The following KCND2 variants were observed in gnomAD, a reference collection of about 807,000 sequenced individuals.
The protein encoded by KCND2 is A-type voltage-gated potassium channel KCND2.
In KCND2, 16 loss-of-function variants were observed where a neutral mutation model predicts 54.4. The ratio of observed to expected loss-of-function variants is 0.29; its 90% CI spans 0.20 to 0.45. KCND2 has a LOEUF of 0.45. Ranked by LOEUF, KCND2 falls within the 20% of genes least tolerant of loss-of-function variation. The pLI is 1.00. For missense variants in KCND2, 486 were observed against 824.2 expected (o/e 0.59, Z 5.02); for synonymous variants, 317 against 310.7 (o/e 1.02, Z -0.21).
intron 1 of KCND2, among the ~76,000 whole-genome samples, chr7:120,650,514 G>C (rs1791716635): frequency 7.0e-6 from 1 of 142,916 alleles, no homozygotes; most frequent in African/African-American, 2.8e-5. Context: ...TTAGCCATTC[G>C]TCTAATCTTT....
intron 1 of KCND2, among the ~76,000 whole-genome samples, chr7:120,509,760 A>G (rs889856728): frequency 1.3e-5 from 2 of 152,074 alleles, no homozygotes; most frequent in Admixed American, 1.3e-4. Context: ...TTATTTGCCA[A>G]TTCACTTCTA....
Position 120,275,263 on chromosome 7 carries a change from T to G in KCND2, c.631T>G (p.Ser211Ala). ...TGTGGTGGAAACAGTGCCGTGCGGA[T>G]CAAGCCCAGGTCACATTAAAGAACT... Reference protein sequence around the residue: ...ANVVETVPCGSSPGHIKELPC... With the variant: ...ANVVETVPCGASPGHIKELPC... The change falls in exon 1 of 6, where the codon TCA becomes GCA. Residue 211 changes from serine to alanine, a missense_variant. Ser to Ala is a moderately conservative substitution (Grantham distance 99). Around this residue, in one of 7 missense-constraint regions of KCND2, gnomAD observed 231 missense variants for 386.0 expected, o/e 0.60. Transcript: ENST00000331113. 6.2e-7 allele frequency: 1 copy of G among 1,613,886 alleles called. No individual in the cohort carries two copies. Among genetic ancestry groups the G allele is most frequent in the Non-Finnish European group, 8.5e-7 (1 of 1,179,986 alleles).
intron 1 of KCND2, among the ~76,000 whole-genome samples, chr7:120,609,152 C>T (rs2116483917): frequency 6.6e-6 from 1 of 152,094 alleles, no homozygotes; most frequent in South Asian, 2.1e-4. Flanking sequence ...TAAAGTAATA[C>T]AGTTGCTACC....
rs1474131653 is a variant in KCND2 at position 120,273,326 on chromosome 7, G to C, written c.-1307G>C. Among the ~76,000 whole-genome samples the C allele has an allele frequency of 6.7e-6, 1 of 150,304 alleles. No individual in the cohort carries two copies. Among genetic ancestry groups the C allele is most frequent in the Non-Finnish European group, 1.5e-5 (1 of 67,292 alleles). ...AGCAGCCCTCCCGCGCCCCCGCGCT[G>C]CCGAGCGCCTTCTGCCTCCGCGCTC... On this transcript the variant is annotated 5_prime_UTR_variant, in exon 1 of 6. Transcript: ENST00000331113.
chr7:120,331,933 A>C (rs1031805266), intron 1 of KCND2, among the ~76,000 whole-genome samples: 7 of 152,110 alleles, frequency 4.6e-5, no homozygotes, highest in Middle Eastern at 6.8e-3. Context: ...CTCTTTTAAA[A>C]ATTTTATTTG....
At chr7:120,578,043 GAGA>G (rs10540913) in intron 1 of KCND2, among the ~76,000 whole-genome samples, 136,967 of 149,820 alleles carry the variant, frequency 0.91, 63,093 homozygotes, top group Non-Finnish European at 0.98. Context: ...GGAGAAGAAG[GAGA>G]AGAAGAAGAA....
chr7:120,542,871 G>A (rs1374694542), intron 1 of KCND2, among the ~76,000 whole-genome samples: 1 of 152,108 alleles, frequency 6.6e-6, no homozygotes, highest in Non-Finnish European at 1.5e-5. Context: ...GTCAGGCAAT[G>A]TAATAAATAG....
chr7:120,548,116 C>G (rs1246158157), intron 1 of KCND2, among the ~76,000 whole-genome samples: 2 of 152,130 alleles, frequency 1.3e-5, no homozygotes, highest in African/African-American at 4.8e-5. Flanking sequence ...ACTAAATGCT[C>G]CAGAGAATTG....
At chr7:120,704,428 C>T (rs1476075933) in intron 1 of KCND2, among the ~76,000 whole-genome samples, 2 of 152,070 alleles carry the variant, frequency 1.3e-5, no homozygotes, top group African/African-American at 4.8e-5. Context: ...AATCTTAAAG[C>T]TCTGGTCATC....
chr7:120,329,056 G>A (rs375611934), intron 1 of KCND2, among the ~76,000 whole-genome samples: 10 of 151,470 alleles, frequency 6.6e-5, no homozygotes, highest in African/African-American at 2.4e-4. Flanking sequence ...TACTGTCATG[G>A]AAATAAAATA....
intron 1 of KCND2, among the ~76,000 whole-genome samples, chr7:120,708,688 A>C (rs1432192058): frequency 6.6e-6 from 1 of 152,062 alleles, no homozygotes; most frequent in Non-Finnish European, 1.5e-5. Context: ...TTTCCCAATT[A>C]TCTTTCCTAC....
chr7:120,703,661 C>G (rs1401614611), intron 1 of KCND2, among the ~76,000 whole-genome samples: 1 of 152,104 alleles, frequency 6.6e-6, no homozygotes, highest in African/African-American at 2.4e-5. Flanking sequence ...AATGCATCCC[C>G]AGAGTGAGAA....
intron 1 of KCND2, among the ~76,000 whole-genome samples, chr7:120,415,281 A>T (rs1477478933): frequency 1.3e-5 from 2 of 152,156 alleles, no homozygotes; most frequent in Non-Finnish European, 2.9e-5. Flanking sequence ...AACAAAAACA[A>T]AAACAACACC....
At chr7:120,596,316 A>G (rs940292910) in intron 1 of KCND2, among the ~76,000 whole-genome samples, 8 of 152,242 alleles carry the variant, frequency 5.3e-5, no homozygotes, top group Non-Finnish European at 7.3e-5. Flanking sequence ...TTAAAAAGTA[A>G]TAAAGCAGGA....
chr7:120,716,018 T>G (rs1792598034), intron 1 of KCND2, among the ~76,000 whole-genome samples: 1 of 149,092 alleles, frequency 6.7e-6, no homozygotes, highest in East Asian at 2.0e-4. Flanking sequence ...GCTAAGAGAG[T>G]TTTTACTTTT....
At chr7:120,700,003 G>A (rs569155834) in intron 1 of KCND2, among the ~76,000 whole-genome samples, 1 of 152,172 alleles carries the variant, frequency 6.6e-6, no homozygotes, top group Non-Finnish European at 1.5e-5. Flanking sequence ...ATAGGGTGTG[G>A]CTGCTAAGTT....
chr7:120,413,902 G>A (rs1217178519), intron 1 of KCND2, among the ~76,000 whole-genome samples: 1 of 150,138 alleles, frequency 6.7e-6, no homozygotes, highest in Non-Finnish European at 1.5e-5. Flanking sequence ...CACTGTTTTA[G>A]TCCTTAAACC....
rs192889154 is a variant in KCND2, at chr7:120,728,310, A to T, written c.1116-4593A>T. 1.1e-4 allele frequency among the ~76,000 whole-genome samples: 15 copies of T among 141,072 alleles called. No homozygotes were observed. The East Asian group carries it at 3.1e-3, about 30-fold the overall frequency. 92.5% of individuals were successfully genotyped at this position (141,072 alleles called of 152,430 possible). ...TTTTTTTTTTTTTTTAAAAATTTTGAGATGGAGTCTCGCTCTTGTTGCCCA... is the reference window on the plus strand; with the variant it reads ...TTTTTTTTTTTTTTTAAAAATTTTGTGATGGAGTCTCGCTCTTGTTGCCCA... On this transcript the variant is annotated intron_variant, in intron 1 of 5. Coordinates refer to ENST00000331113, the MANE Select transcript of KCND2 (RefSeq NM_012281.3).
intron 1 of KCND2, among the ~76,000 whole-genome samples, chr7:120,400,918 G>T (rs571952451): frequency 3.0e-4 from 45 of 151,368 alleles, no homozygotes; most frequent in Non-Finnish European, 5.9e-4. Flanking sequence ...AATTGATTGT[G>T]AATAAAGAGG....
Sources: gnomAD v4.1 joint callset for allele counts (sites outside exome capture counted in the v4.1 genomes callset) on GRCh38, gnomAD v4.1.1 for gene constraint, gnomAD v4.1.1 regional missense constraint, MANE v1.5 for transcripts, NCBI Gene and HGNC (gene_info 2026-07-23, HGNC 2026-07-21) for gene names.